Variants in CCDC63 observed in about 807,000 individuals in gnomAD.
The protein encoded by CCDC63 is coiled-coil domain-containing protein 63.
CCDC63 carries 54 observed loss-of-function variants against 63.6 expected under a neutral mutation model. The ratio of observed to expected loss-of-function variants is 0.85; its 90% CI spans 0.68 to 1.07. CCDC63 has a LOEUF of 1.07. CCDC63 is among the 50% of genes least tolerant of loss of function. The pLI is 0.00. For synonymous variants in CCDC63, 253 were observed against 266.1 expected, an observed-to-expected ratio of 0.95 and a Z score of 0.48; for missense variants, 637 against 689.6, an observed-to-expected ratio of 0.92 and a Z score of 0.86.
chr12:110,889,569 G>A lies in CCDC63; in HGVS notation c.1075-3507G>A, dbSNP rs568664906. Among the ~76,000 whole-genome samples, 58 of 152,258 alleles carry A rather than the reference G, an allele frequency of 3.8e-4. No homozygotes were observed. Among genetic ancestry groups the A allele is most frequent in the Non-Finnish European group, 6.9e-4 (47 of 68,018 alleles). ...CTGACGCAGCTTGCAAGCAGGCCAG[G>A]GTGTCTGGCGCACAGAGAGAGACAT... On this transcript the variant is annotated intron_variant, in intron 8 of 11. Coordinates refer to ENST00000308208, the MANE Select transcript of CCDC63 (RefSeq NM_152591.3). The surrounding 1 kb of genome is among the most constrained non-coding windows in gnomAD (Gnocchi z 4.1).
intron 10 of CCDC63, among the ~76,000 whole-genome samples, chr12:110,899,985 G>A (rs1291228198): frequency 2.6e-5 from 4 of 151,886 alleles, no homozygotes; most frequent in Admixed American, 1.3e-4. Flanking sequence ...AGGCCGAGGC[G>A]GGCAGATCAC....
At chr12:110,848,387 G>T (rs1241568407) in intron 1 of CCDC63, among the ~76,000 whole-genome samples, 1 of 152,180 alleles carries the variant, frequency 6.6e-6, no homozygotes, top group African/African-American at 2.4e-5. Flanking sequence ...GGGTGAGGGG[G>T]TGGATCTGTT....
intron 8 of CCDC63, among the ~76,000 whole-genome samples, chr12:110,890,038 T>A (rs1055182995): frequency 6.6e-6 from 1 of 152,020 alleles, no homozygotes; most frequent in Non-Finnish European, 1.5e-5. Flanking sequence ...AAATTAAAAA[T>A]TTTTAGCACT....
At chr12:110,906,318 A>AGAGGAGGAGGAG (rs141428157) in intron 11 of CCDC63, among the ~76,000 whole-genome samples, 8 of 131,848 alleles carry the variant, frequency 6.1e-5, no homozygotes, top group Admixed American at 3.4e-4. Context: ...AGAGGCAGGA[A>AGAGGAGGAGGAG]GAGGAGGAGG....
intron 11 of CCDC63, among the ~76,000 whole-genome samples, chr12:110,905,076 A>T (rs1207183308): frequency 1.3e-5 from 2 of 152,196 alleles, no homozygotes; most frequent in Non-Finnish European, 1.5e-5. Flanking sequence ...TTGATCATTT[A>T]AAATGAACCT....
chr12:110,870,274 G>C (rs936136801), intron 4 of CCDC63, among the ~76,000 whole-genome samples: 25 of 152,126 alleles, frequency 1.6e-4, no homozygotes, highest in African/African-American at 6.0e-4. Context: ...TAGAGACGGG[G>C]TTTCACCATG....
In CCDC63 at chr12:110,893,092, T is replaced by TG. The variant is rs2071377592; in HGVS notation, c.1092dup (p.Arg365AlafsTer10). 6.2e-7 allele frequency: 1 copy of TG among 1,613,930 alleles called. No individual in the cohort carries two copies. Among genetic ancestry groups the TG allele is most frequent in the African/African-American group, 1.3e-5 (1 of 74,908 alleles). Reference sequence around the variant, plus strand: ...CCCGAGCAGGACGAGATCATCCTCTTGCGATCCCAGCAGAAATTGTCCCAC... The same window carrying TG: ...CCCGAGCAGGACGAGATCATCCTCTTGGCGATCCCAGCAGAAATTGTCCCAC... On this transcript the variant is annotated frameshift_variant, in exon 9 of 12. Transcript: ENST00000308208. LOFTEE classifies it high-confidence loss of function.
In CCDC63 at chr12:110,898,976, G is replaced by A; in HGVS notation, c.1193G>A (p.Ser398Asn). The change falls in exon 10 of 12, where the codon AGC (serine) becomes AAC (asparagine). Residue 398 changes from serine to asparagine, a missense_variant. Coordinates refer to ENST00000308208, the MANE Select transcript of CCDC63 (RefSeq NM_152591.3). ...KTTEEADMYE[S>N]KYGEVSKTLD... is the part of the protein sequence containing the mutation. ...ACGGAGGAGGCAGATATGTATGAGA[G>A]CAAGTACGGGGAGGTCAGCAAGACC... The A allele has an allele frequency of 6.2e-7, 1 of 1,612,470 alleles. No homozygotes were observed. Among genetic ancestry groups the A allele is most frequent in the Admixed American group, 1.7e-5 (1 of 59,760 alleles).
At chr12:110,897,838 A>G (rs974265751) in intron 9 of CCDC63, among the ~76,000 whole-genome samples, 1 of 151,096 alleles carries the variant, frequency 6.6e-6, no homozygotes, top group African/African-American at 2.4e-5. Flanking sequence ...GATTCAAGCA[A>G]TTCTCCTGCC....
At chr12:110,905,172 C>T (rs1254175620) in intron 11 of CCDC63, among the ~76,000 whole-genome samples, 2 of 152,138 alleles carry the variant, frequency 1.3e-5, no homozygotes, top group Admixed American at 1.3e-4. Flanking sequence ...TATCTATGCT[C>T]CTGAGTCTCA....
chr12:110,879,889 C>G lies in CCDC63; in HGVS notation c.490-17C>G. Reference sequence around the variant, plus strand: ...AACAGAAATGAGACCTGTTTTGAAGCATGGCCCTTTCAACAGGTCACTGTT... The same window carrying G: ...AACAGAAATGAGACCTGTTTTGAAGGATGGCCCTTTCAACAGGTCACTGTT... On this transcript the variant is annotated splice_polypyrimidine_tract_variant and intron_variant, in intron 5 of 11. Transcript: ENST00000308208. 1 of 1,612,620 alleles carries G rather than the reference C, an allele frequency of 6.2e-7. No homozygotes were observed. The highest frequency in any genetic ancestry group is 1.3e-5 in the African/African-American group (1 of 75,000).
chr12:110,891,356 A>T (rs895724782), intron 8 of CCDC63, among the ~76,000 whole-genome samples: 3 of 151,884 alleles, frequency 2.0e-5, no homozygotes, highest in African/African-American at 7.3e-5. Flanking sequence ...AAAAACAAAA[A>T]AAATGCATTC....
chr12:110,853,109 T>A, intron 2 of CCDC63, 146 bp downstream of exon 2: 1 of 914,700 alleles, frequency 1.1e-6, no homozygotes, highest in Non-Finnish European at 1.7e-6. Context: ...CTCAGAGACA[T>A]CCAGTGACTC....
chr12:110,861,702 G>C (rs1332927721), intron 4 of CCDC63, among the ~76,000 whole-genome samples: 1 of 151,414 alleles, frequency 6.6e-6, no homozygotes, highest in Admixed American at 6.6e-5. Flanking sequence ...CTCCAGGGTA[G>C]TTGGGACTAT....
chr12:110,847,944 C>T (rs1420366497), intron 1 of CCDC63, among the ~76,000 whole-genome samples: 1 of 152,238 alleles, frequency 6.6e-6, no homozygotes, highest in Admixed American at 6.5e-5. Context: ...CCAAGAGCTG[C>T]CCATGCGCCC....
intron 8 of CCDC63, among the ~76,000 whole-genome samples, chr12:110,885,768 T>C (rs2071271296): frequency 6.6e-6 from 1 of 152,194 alleles, no homozygotes; most frequent in South Asian, 2.1e-4. Flanking sequence ...CTGCTTTCCT[T>C]TGCAATATGT....
intron 4 of CCDC63, among the ~76,000 whole-genome samples, chr12:110,861,483 A>G (rs1157484043): frequency 6.6e-6 from 1 of 151,816 alleles, no homozygotes; most frequent in South Asian, 2.1e-4. Context: ...CACTTCCAGG[A>G]CTTTGCGTGT....
chr12:110,853,282 G>C, intron 2 of CCDC63, 123 bp from the exon 3 acceptor site: 1 of 951,740 alleles, frequency 1.1e-6, no homozygotes, highest in Admixed American at 2.7e-5. Flanking sequence ...TCACCCAAGG[G>C]AAGGTCTTCC....
At chr12:110,881,583 A>G (rs772653111) in intron 7 of CCDC63, among the ~76,000 whole-genome samples, 5 of 152,080 alleles carry the variant, frequency 3.3e-5, no homozygotes, top group Non-Finnish European at 4.4e-5. Flanking sequence ...TTAGCTGGAC[A>G]TAGTGGTGAG....
Sources: allele counts gnomAD v4.1 joint callset (sites outside exome capture counted in the v4.1 genomes callset), GRCh38; gene constraint gnomAD v4.1.1; non-coding constraint Gnocchi (gnomAD v3.1); transcripts MANE v1.5; gene names NCBI Gene and HGNC (gene_info 2026-07-23, HGNC 2026-07-21).